TNIP3: variants seen among roughly 807,000 people sequenced by gnomAD.
The protein encoded by TNIP3 is TNFAIP3 interacting protein 3, also known as TNFAIP3-interacting protein 3.
Under a neutral mutation model 54.1 loss-of-function variants are expected in TNIP3, and 34 were observed. The observed-to-expected ratio is 0.63, with a 90% CI of 0.48 to 0.84. The LOEUF is 0.84. TNIP3 is among the 40% of genes least tolerant of loss of function. The pLI is 0.00. For synonymous variants in TNIP3, 134 were observed against 136.8 expected, an observed-to-expected ratio of 0.98 and a Z score of 0.14; for missense variants, 366 against 387.6, an observed-to-expected ratio of 0.94 and a Z score of 0.47.
chr4:121,147,159 C>T lies in TNIP3; in HGVS notation c.625G>A (p.Glu209Lys). The change falls in exon 7 of 11, where the codon GAA becomes AAA. Residue 209 changes from glutamate (E) to lysine (K), a missense_variant. Physicochemically the swap from Glu to Lys is moderately conservative, Grantham distance 56 (BLOSUM62 1). Coordinates refer to ENST00000057513, the MANE Select transcript of TNIP3 (RefSeq NM_024873.6). ...VLKQQVQIYE[E>K]DFKKERSDRE... Reference sequence around the variant, plus strand: ...TCCGATCGTTCCTTTTTGAAGTCTTCTTCGTATATTTGCACCTAAGAAATA... The same window carrying T: ...TCCGATCGTTCCTTTTTGAAGTCTTTTTCGTATATTTGCACCTAAGAAATA... 6.2e-7 allele frequency: 1 copy of T among 1,611,088 alleles called. No homozygotes were observed. Among genetic ancestry groups the T allele is most frequent in the Non-Finnish European group, 8.5e-7 (1 of 1,178,872 alleles).
rs768443851 is a variant in TNIP3 at position 121,150,081 on chromosome 4, C to T, written c.609+22G>A. 1.9e-5 allele frequency: 29 copies of T among 1,516,466 alleles called. No individual in the cohort carries two copies. In the Admixed American group the frequency reaches 4.2e-4, roughly 22 times the overall value. 93.9% of individuals were successfully genotyped at this position (1,516,466 alleles called of 1,614,324 possible). A position where few individuals can be genotyped will look rare whatever the true frequency, so the allele number is the denominator to read the frequency against. The stretch of plus-strand genomic sequence containing the variant: ...ATGGGCAGTATGTTCTCCACAGGAT[C>T]ATGCCACTTCCAGCTTCTCACCTGC... On this transcript the variant is annotated intron_variant, in intron 6 of 10. Coordinates refer to ENST00000057513, the MANE Select transcript of TNIP3 (RefSeq NM_024873.6).
intron 9 of TNIP3, among the ~76,000 whole-genome samples, chr4:121,139,029 T>A (rs1473261793): frequency 6.6e-6 from 1 of 152,144 alleles, no homozygotes; most frequent in East Asian, 1.9e-4. Flanking sequence ...CAACTTAGCA[T>A]CAACAAATAC....
intron 1 of TNIP3, among the ~76,000 whole-genome samples, chr4:121,224,885 T>C (rs752326043): frequency 1.9e-4 from 29 of 152,122 alleles, no homozygotes; most frequent in Admixed American, 1.1e-3. Flanking sequence ...TTCTCTAATA[T>C]TGAAAAAAAA....
At chr4:121,181,003 G>A (rs1724662092) in intron 3 of TNIP3, among the ~76,000 whole-genome samples, 1 of 152,180 alleles carries the variant, frequency 6.6e-6, no homozygotes, top group Non-Finnish European at 1.5e-5. Flanking sequence ...AAGTGCAGGA[G>A]AATGAGCAAA....
chr4:121,161,316 G>C, intron 1 of TNIP3, 100 bp from the exon 2 acceptor site: 10 of 990,498 alleles, frequency 1.0e-5, no homozygotes, highest in Middle Eastern at 2.1e-4. Context: ...CAACTCTCCT[G>C]TTGCGATTTA....
At chr4:121,185,008 G>A (rs1159817367) in intron 2 of TNIP3, among the ~76,000 whole-genome samples, 1 of 152,112 alleles carries the variant, frequency 6.6e-6, no homozygotes, top group Non-Finnish European at 1.5e-5. Flanking sequence ...GGCAGCTTTC[G>A]GACCTATTCT....
Position 121,214,527 on chromosome 4 carries a change from G to T in TNIP3, c.68+1888C>A, listed in dbSNP as rs116179397. 5.1e-3 allele frequency among the ~76,000 whole-genome samples: 779 copies of T among 152,282 alleles called. 3 individuals are homozygous for T. Among genetic ancestry groups the T allele is most frequent in the African/African-American group, 0.018 (752 of 41,544 alleles). On this transcript the variant is annotated intron_variant, in intron 2 of 12. Transcript: ENST00000507879. ...CTCCATGTAGAAGGAAATGGCTTGTGAATATGGAGAGGTGGCCGGGTGAGG... is the reference window on the plus strand; with the variant it reads ...CTCCATGTAGAAGGAAATGGCTTGTTAATATGGAGAGGTGGCCGGGTGAGG...
chr4:121,181,415 A>C (rs1009946725), intron 3 of TNIP3, among the ~76,000 whole-genome samples: 1 of 152,206 alleles, frequency 6.6e-6, no homozygotes, highest in African/African-American at 2.4e-5. Flanking sequence ...AAACAGAAGA[A>C]AGAGGCCTTA....
intron 10 of TNIP3, among the ~76,000 whole-genome samples, chr4:121,133,978 G>A (rs1203425484): frequency 1.3e-5 from 2 of 151,582 alleles, no homozygotes; most frequent in Non-Finnish European, 2.9e-5. Flanking sequence ...TTGATTTTTG[G>A]ATATCTAACC....
chr4:121,216,118 G>A (rs1276156632), intron 2 of TNIP3, among the ~76,000 whole-genome samples: 1 of 151,920 alleles, frequency 6.6e-6, no homozygotes, highest in Non-Finnish European at 1.5e-5. Flanking sequence ...AAAAATTTGT[G>A]CAATTACAGA....
chr4:121,136,659 C>G (rs929066200), intron 10 of TNIP3: 6 of 151,766 alleles, frequency 4.0e-5, no homozygotes, highest in African/African-American at 1.5e-4. Flanking sequence ...AGCCTGGCAA[C>G]AGACTGGAGG....
chr4:121,142,782 G>T lies in TNIP3; in HGVS notation c.736-6C>A. The T allele has an allele frequency of 6.2e-7, 1 of 1,610,378 alleles. No homozygotes were observed. The highest frequency in any genetic ancestry group is 8.5e-7 in the Non-Finnish European group (1 of 1,177,340). On this transcript the variant is annotated splice_region_variant and splice_polypyrimidine_tract_variant and intron_variant, in intron 7 of 10. Transcript: ENST00000057513. ...TCCATCTGACAAGCTTTTATCTAAA[G>T]ACAAAACAAAGGCATTTGTTAATCA...
At chr4:121,221,820 T>C (rs140695580) in intron 1 of TNIP3, among the ~76,000 whole-genome samples, 2 of 152,378 alleles carry the variant, frequency 1.3e-5, no homozygotes, top group Non-Finnish European at 2.9e-5. Context: ...TCATCACCTA[T>C]TTCCTTCTAA....
chr4:121,143,922 C>T (rs1729276463), intron 7 of TNIP3, among the ~76,000 whole-genome samples: 1 of 152,156 alleles, frequency 6.6e-6, no homozygotes, highest in Admixed American at 6.5e-5. Flanking sequence ...CCATTCTAAA[C>T]CATGAAATCA....
intron 2 of TNIP3, among the ~76,000 whole-genome samples, chr4:121,192,234 A>G (rs1725343159): frequency 6.6e-6 from 1 of 152,202 alleles, no homozygotes; most frequent in African/African-American, 2.4e-5. Context: ...CGACGCCTGA[A>G]CTGTCTGTGG....
intron 2 of TNIP3, among the ~76,000 whole-genome samples, chr4:121,188,805 T>C (rs1013102885): frequency 3.1e-4 from 47 of 152,312 alleles, no homozygotes; most frequent in African/African-American, 1.1e-3. Flanking sequence ...ATTAATACAT[T>C]GAATAAAACC....
chr4:121,173,416 T>C (rs1200445970), intron 3 of TNIP3, among the ~76,000 whole-genome samples: 1 of 152,162 alleles, frequency 6.6e-6, no homozygotes, highest in African/African-American at 2.4e-5. Context: ...CTTTAAAAAC[T>C]GTAGTAGTCA....
At chr4:121,175,176 C>T (rs1724235668) in intron 3 of TNIP3, among the ~76,000 whole-genome samples, 1 of 152,180 alleles carries the variant, frequency 6.6e-6, no homozygotes. Flanking sequence ...TTATGCTGTT[C>T]TTCTTCTTAC....
At chr4:121,174,124 G>A (rs1381283495) in intron 3 of TNIP3, among the ~76,000 whole-genome samples, 1 of 152,118 alleles carries the variant, frequency 6.6e-6, no homozygotes, top group African/African-American at 2.4e-5. Flanking sequence ...CCTGCCAAGG[G>A]GTTGTCCAGA....
Sources: allele counts gnomAD v4.1 joint callset (sites outside exome capture counted in the v4.1 genomes callset), GRCh38; gene constraint gnomAD v4.1.1; transcripts MANE v1.5; gene names NCBI Gene and HGNC (gene_info 2026-07-23, HGNC 2026-07-21).